The following POC1B variants were observed in gnomAD, a reference collection of about 807,000 sequenced individuals.
The protein encoded by POC1B is POC1 centriolar protein homolog B.
Under a neutral mutation model 60.6 loss-of-function variants are expected in POC1B, and 44 were observed. The observed-to-expected ratio is 0.73, with a 90% confidence interval of 0.57 to 0.93. The LOEUF is 0.93. POC1B is among the 40% of genes least tolerant of loss of function. The pLI is 0.00. For synonymous variants in POC1B, 180 were observed against 198.9 expected (o/e 0.90, Z 0.80); for missense variants, 555 against 572.3 (o/e 0.97, Z 0.31).
chr12:89,442,891 T>C (rs1272268207), intron 10 of POC1B, among the ~76,000 whole-genome samples: 1 of 151,768 alleles, frequency 6.6e-6, no homozygotes, highest in African/African-American at 2.4e-5. Flanking sequence ...AGGCTCAAAA[T>C]AAAGAGATGG....
chr12:89,523,069 ATTTC>A (rs1199825009), intron 2 of POC1B: 1 of 1,613,782 alleles, frequency 6.2e-7, no homozygotes, highest in Non-Finnish European at 8.5e-7. Context: ...ATTAAACCTT[ATTTC>A]TTTGTTTGAA....
At chr12:89,505,950 A>G (rs1869874934) in intron 2 of POC1B, among the ~76,000 whole-genome samples, 1 of 152,180 alleles carries the variant, frequency 6.6e-6, no homozygotes, top group African/African-American at 2.4e-5. Flanking sequence ...GATGTGAGGG[A>G]GAGAAAAAGA....
chr12:89,523,544 C>T, intron 2 of POC1B: 1 of 1,600,896 alleles, frequency 6.2e-7, no homozygotes. Flanking sequence ...AGGTTTTCAC[C>T]TCCCCACACT....
At position 89,433,312 on chromosome 12, in the gene POC1B, G is replaced by A. The variant is rs186563382; in HGVS notation, c.1114-7933C>T. 5.3e-5 allele frequency among the ~76,000 whole-genome samples: 8 copies of A among 152,272 alleles called. No homozygotes were observed. The East Asian group carries it at 1.5e-3, about 29-fold the overall frequency. On this transcript the variant is annotated intron_variant, in intron 10 of 11. Coordinates refer to ENST00000313546, the MANE Select transcript of POC1B (RefSeq NM_172240.3). ...CTGATAGAAAGAGCAAGCATAAAGAGAGCACTGATGACACAGGAGAGTGAG... is the reference window on the plus strand; with the variant it reads ...CTGATAGAAAGAGCAAGCATAAAGAAAGCACTGATGACACAGGAGAGTGAG...
intron 4 of POC1B, among the ~76,000 whole-genome samples, chr12:89,490,907 T>G (rs1025040403): frequency 8.5e-5 from 9 of 105,738 alleles, no homozygotes; most frequent in Non-Finnish European, 1.6e-4. Flanking sequence ...AGCCACCACC[T>G]TGATCCAAGC....
intron 4 of POC1B, among the ~76,000 whole-genome samples, chr12:89,485,097 G>C (rs1328174249): frequency 6.6e-6 from 1 of 152,208 alleles, no homozygotes; most frequent in Non-Finnish European, 1.5e-5. Context: ...ACTGGCATCT[G>C]ACTTATGTTT....
chr12:89,483,253 A>C (rs1415636488), intron 4 of POC1B, among the ~76,000 whole-genome samples: 1 of 152,160 alleles, frequency 6.6e-6, no homozygotes, highest in Non-Finnish European at 1.5e-5. Context: ...TAGTTTTATA[A>C]GGGGCTTTTC....
chr12:89,450,884 A>G (rs781291415), intron 10 of POC1B, among the ~76,000 whole-genome samples: 2 of 152,196 alleles, frequency 1.3e-5, no homozygotes, highest in Non-Finnish European at 2.9e-5. Context: ...AAAACAAAGT[A>G]CAGCCATTAT....
intron 2 of POC1B, among the ~76,000 whole-genome samples, chr12:89,516,777 T>C (rs183426152): frequency 6.6e-6 from 1 of 152,268 alleles, no homozygotes; most frequent in East Asian, 1.9e-4. Flanking sequence ...GGATATCTCA[T>C]TCCCCACCTC....
the POC1B span, among the ~76,000 whole-genome samples, chr12:89,408,974 T>G: frequency 6.6e-6 from 1 of 152,250 alleles, no homozygotes; most frequent in Non-Finnish European, 1.5e-5. Context: ...AGGGTTTGTT[T>G]TTTTCTTGAA....
intron 4 of POC1B, among the ~76,000 whole-genome samples, chr12:89,484,322 T>A (rs531016159): frequency 6.6e-6 from 1 of 152,346 alleles, no homozygotes; most frequent in East Asian, 1.9e-4. Context: ...AGAACTCCAC[T>A]TAAAAAGCAG....
At chr12:89,490,041 G>A (rs949671798) in intron 4 of POC1B, among the ~76,000 whole-genome samples, 1 of 152,176 alleles carries the variant, frequency 6.6e-6, no homozygotes, top group African/African-American at 2.4e-5. Flanking sequence ...CCTGGAGCCG[G>A]CAGGGACCTG....
chr12:89,500,811 A>G (rs750903479), intron 2 of POC1B: 421 of 1,012,590 alleles, frequency 4.2e-4, no homozygotes, highest in Non-Finnish European at 5.5e-4. Flanking sequence ...AGGACAAGAA[A>G]GAAAACCATC....
chr12:89,431,016 C>T (rs1298196786), intron 10 of POC1B, among the ~76,000 whole-genome samples: 1 of 151,982 alleles, frequency 6.6e-6, no homozygotes, highest in Admixed American at 6.6e-5. Context: ...CATATATTAT[C>T]TAACTTCAAA....
In POC1B at chr12:89,525,942, G is replaced by GAGGGGAGGGGAGAGGATGGGGA. The variant is rs1871455295; in HGVS notation, c.-69_-48dup. On this transcript the variant is annotated 5_prime_UTR_variant, in exon 1 of 12. Coordinates refer to ENST00000313546, the MANE Select transcript of POC1B (RefSeq NM_172240.3). ...GCTCCTGTGGGTGGGGGAACCCGGA[G>GAGGGGAGGGGAGAGGATGGGGA]AGGGGAGGGGAGAGGATGGGGAAGG... 6.5e-7 allele frequency: 1 copy of GAGGGGAGGGGAGAGGATGGGGA among 1,531,540 alleles called. No individual in the cohort carries two copies. Among genetic ancestry groups the GAGGGGAGGGGAGAGGATGGGGA allele is most frequent in the Non-Finnish European group, 8.8e-7 (1 of 1,136,374 alleles). 94.9% of individuals were successfully genotyped at this position (1,531,540 alleles called of 1,614,324 possible).
At chr12:89,488,617 G>C (rs1398802170) in intron 4 of POC1B, among the ~76,000 whole-genome samples, 7 of 152,040 alleles carry the variant, frequency 4.6e-5, no homozygotes, top group Admixed American at 4.6e-4. Context: ...CTCCCGAGTA[G>C]CTGGGATTAC....
chr12:89,494,557 T>C (rs1592626220), intron 3 of POC1B, among the ~76,000 whole-genome samples: 3 of 152,180 alleles, frequency 2.0e-5, no homozygotes, highest in African/African-American at 4.8e-5. Context: ...ATCTCATCCC[T>C]GTACACGCAT....
At chr12:89,426,372 T>C (rs1262139821) in intron 10 of POC1B, 2 of 152,160 alleles carry the variant, frequency 1.3e-5, no homozygotes, top group East Asian at 3.8e-4. Flanking sequence ...AATTGTATAC[T>C]TAAGAATGGT....
At chr12:89,435,123 A>T (rs1250472432) in intron 10 of POC1B, among the ~76,000 whole-genome samples, 2 of 152,054 alleles carry the variant, frequency 1.3e-5, no homozygotes, top group East Asian at 3.8e-4. Context: ...TAAAGATTAT[A>T]TAACTGGATA....
Sources: allele counts gnomAD v4.1 joint callset (sites outside exome capture counted in the v4.1 genomes callset), GRCh38; gene constraint gnomAD v4.1.1; transcripts MANE v1.5; gene names NCBI Gene and HGNC (gene_info 2026-07-23, HGNC 2026-07-21).